FRMD7: variants seen among roughly 807,000 people sequenced by gnomAD.
FRMD7 encodes the protein FERM domain containing 7.
In FRMD7, 14 loss-of-function variants were observed where a neutral mutation model predicts 44.1. That is an observed-to-expected ratio of 0.32 (90% confidence interval 0.21 to 0.50). FRMD7 has a LOEUF of 0.50. Among genes scored for constraint, FRMD7 ranks in the 20% least tolerant of loss-of-function variants. The pLI is 0.99. For missense variants in FRMD7, 501 were observed against 522.3 expected, an observed-to-expected ratio of 0.96 and a Z score of 0.40; for synonymous variants, 212 against 187.4, an observed-to-expected ratio of 1.13 and a Z score of -1.07.
chrX:132,079,501 A>AT (rs1038734692), intron 11 of FRMD7, among the ~76,000 whole-genome samples: 1 of 112,014 alleles, frequency 8.9e-6, no homozygotes, highest in East Asian at 2.8e-4. Flanking sequence ...ACCTATAATT[A>AT]TTTTTTTAGG....
chrX:132,104,410 G>A (rs929338092), intron 1 of FRMD7, among the ~76,000 whole-genome samples: 1 of 111,306 alleles, frequency 9.0e-6, no homozygotes, highest in Non-Finnish European at 1.9e-5. Context: ...TGGCAGATGC[G>A]GGCTGGGCGC....
At chrX:132,084,632 G>A in intron 7 of FRMD7, 47 bp from the exon 8 acceptor site, 1 of 793,018 alleles carries the variant, frequency 1.3e-6, no homozygotes. Flanking sequence ...AACAAGAGTT[G>A]GCTTGTAAGA....
intron 5 of FRMD7, among the ~76,000 whole-genome samples, chrX:132,089,658 ACT>A (rs1376659489): frequency 8.9e-6 from 1 of 112,035 alleles, no homozygotes; most frequent in Non-Finnish European, 1.9e-5. Context: ...TAATATAAAA[ACT>A]CATTTAAAAA....
At chrX:132,086,279 T>G (rs1242763796) in intron 5 of FRMD7, among the ~76,000 whole-genome samples, 1 of 111,049 alleles carries the variant, frequency 9.0e-6, no homozygotes, top group Non-Finnish European at 1.9e-5. Context: ...AGACCAAATA[T>G]AGATCTTAGG....
rs1191865641 is a variant in FRMD7 at position 132,081,361 on chromosome X, C to CA, written c.905+1001dup. On this transcript the variant is annotated intron_variant, in intron 9 of 11. Coordinates refer to ENST00000298542, the MANE Select transcript of FRMD7 (RefSeq NM_194277.3). ...CAAAACAAAACAAAACAAACAACAACAACAAAAAAAAACACAAGAATAATA... is the reference window on the plus strand; with the variant it reads ...CAAAACAAAACAAAACAAACAACAACAAACAAAAAAAAACACAAGAATAATA... Among the ~76,000 whole-genome samples, 11 of 99,377 alleles carry CA rather than the reference C, an allele frequency of 1.1e-4. No homozygotes were observed. The South Asian group carries it at 2.0e-3, about 18-fold the overall frequency. 86.3% of individuals were successfully genotyped at this position (99,377 alleles called of 115,157 possible).
rs1451160655 is a variant in FRMD7, at chrX:132,108,832, C to G, written c.58-8116G>C. The stretch of plus-strand genomic sequence containing the variant: ...ATCTGATGGTTTTATAAGTGCCTGG[C>G]ATTTCCCCTGCTTGCACTCATTCTC... On this transcript the variant is annotated intron_variant, in intron 1 of 11. Transcript: ENST00000298542. Among the ~76,000 whole-genome samples the G allele has an allele frequency of 2.7e-5, 3 of 111,535 alleles. No homozygotes were observed. The East Asian group carries it at 8.5e-4, about 32-fold the overall frequency.
chrX:132,078,891 G>A lies in FRMD7; in HGVS notation c.1126C>T (p.Leu376=), dbSNP rs779741935. 8.3e-7 allele frequency: 1 copy of A among 1,205,967 alleles called. No individual in the cohort carries two copies. The highest frequency in any genetic ancestry group is 3.0e-5 in the East Asian group (1 of 33,801). Residue 376 remains leucine (L), a synonymous_variant, in exon 12 of 12, where the codon CTG becomes TTG. Transcript: ENST00000298542. ...GCAGAATTCCTCCTCCTACTCTCCA[G>A]CACTGGCTCAGATGCGTGCACTCCA... is the stretch of plus-strand genomic sequence containing the variant. ...VNGVHASEPV[L]ESRRRNSALE... is the part of the protein sequence containing the mutation.
intron 1 of FRMD7, among the ~76,000 whole-genome samples, chrX:132,101,586 A>G (rs2124254165): frequency 8.9e-6 from 1 of 112,454 alleles, no homozygotes; most frequent in East Asian, 2.8e-4. Flanking sequence ...AGAGCCTGGC[A>G]CATAGTACTG....
chrX:132,083,397 A>G (rs1461210081), intron 8 of FRMD7, among the ~76,000 whole-genome samples: 1 of 111,061 alleles, frequency 9.0e-6, no homozygotes, highest in African/African-American at 3.3e-5. Context: ...TCCTGACACT[A>G]TATGTACCCC....
At position 132,078,201 on chromosome X, in the gene FRMD7, C is replaced by T. The variant is rs781449121; in HGVS notation, c.1816G>A (p.Glu606Lys). ...MKTIRFPFGS[E>K]FRPLGPCPAL... ...GGACAAGGCCCTAAAGGTCTAAATT[C>T]TGACCCAAAAGGAAAACGAATAGTT... The change falls in exon 12 of 12, where the codon GAA (glutamate) becomes AAA (lysine). Residue 606 changes from glutamate to lysine, a missense_variant. Physicochemically the swap from Glu to Lys is moderately conservative, Grantham distance 56. Around this residue, in one of 3 missense-constraint regions of FRMD7, gnomAD observed 453 missense variants for 452.7 expected, o/e 1.00. Coordinates refer to ENST00000298542, the MANE Select transcript of FRMD7 (RefSeq NM_194277.3). 1 of 1,211,903 alleles carries T rather than the reference C, an allele frequency of 8.3e-7. No homozygotes were observed. The highest frequency in any genetic ancestry group is 1.1e-6 in the Non-Finnish European group (1 of 895,481).
intron 1 of FRMD7, among the ~76,000 whole-genome samples, chrX:132,112,401 G>A (rs1262822681): frequency 9.0e-6 from 1 of 111,145 alleles, no homozygotes; most frequent in Non-Finnish European, 1.9e-5. Context: ...TAAGTAGGAA[G>A]GAACCAAGGC....
chrX:132,097,444 T>C (rs1352670476), intron 3 of FRMD7, 100 bp from the exon 4 acceptor site: 2 of 570,070 alleles, frequency 3.5e-6, no homozygotes, highest in Admixed American at 4.6e-5. Context: ...CACACACCGC[T>C]CTCCTCTTCC....
chrX:132,102,969 A>G (rs1314793687), intron 1 of FRMD7, among the ~76,000 whole-genome samples: 1 of 112,161 alleles, frequency 8.9e-6, no homozygotes, highest in Non-Finnish European at 1.9e-5. Flanking sequence ...CTATGTTTAT[A>G]AGAATAATTC....
chrX:132,123,603 A>T (rs1371657841), intron 1 of FRMD7, among the ~76,000 whole-genome samples: 1 of 112,245 alleles, frequency 8.9e-6, no homozygotes, highest in African/African-American at 3.2e-5. Context: ...TTCCACCACT[A>T]ATAAATTTAA....
chrX:132,120,121 A>C (rs952014515), intron 1 of FRMD7, among the ~76,000 whole-genome samples: 2 of 112,243 alleles, frequency 1.8e-5, no homozygotes, highest in African/African-American at 6.5e-5. Context: ...GACTCAGCTC[A>C]GTCAGTTTGA....
At chrX:132,115,428 C>T (rs1474118034) in intron 1 of FRMD7, among the ~76,000 whole-genome samples, 3 of 112,554 alleles carry the variant, frequency 2.7e-5, no homozygotes, top group Non-Finnish European at 5.6e-5. Context: ...TAATTTCATG[C>T]ATTTCTTTTA....
chrX:132,081,033 C>A (rs978818991), intron 9 of FRMD7, among the ~76,000 whole-genome samples: 10 of 109,044 alleles, frequency 9.2e-5, no homozygotes, highest in African/African-American at 3.0e-4. Flanking sequence ...ACATAAAAAT[C>A]AAAAAAAATC....
At chrX:132,120,220 G>C (rs1247621978) in intron 1 of FRMD7, among the ~76,000 whole-genome samples, 2 of 112,812 alleles carry the variant, frequency 1.8e-5, no homozygotes, top group African/African-American at 3.2e-5. Context: ...ATTTGTGTTT[G>C]TGACAGGTCA....
chrX:132,092,714 A>G (rs1032150101), intron 5 of FRMD7, among the ~76,000 whole-genome samples: 5 of 111,822 alleles, frequency 4.5e-5, no homozygotes, highest in South Asian at 3.8e-4. Flanking sequence ...GGGAGCCCCA[A>G]TCCTCTGACT....
Sources: allele counts gnomAD v4.1 joint callset (sites outside exome capture counted in the v4.1 genomes callset), GRCh38; gene constraint gnomAD v4.1.1; regional missense constraint gnomAD v4.1.1; transcripts MANE v1.5; gene names NCBI Gene and HGNC (gene_info 2026-07-23, HGNC 2026-07-21).